The following POLR2G variants were observed in gnomAD, a reference collection of about 807,000 sequenced individuals.
POLR2G encodes the protein RNA polymerase II subunit G, also known as DNA-directed RNA polymerase II subunit RPB7.
POLR2G carries 19 observed loss-of-function variants against 25.7 expected under a neutral mutation model. That is an observed-to-expected ratio of 0.74 (90% CI 0.52 to 1.08). POLR2G has a LOEUF of 1.08. POLR2G is among the 50% of genes least tolerant of loss of function. The pLI is 0.00. For synonymous variants in POLR2G, 79 were observed against 76.0 expected, an observed-to-expected ratio of 1.04 and a Z score of -0.21; for missense variants, 123 against 218.5, an observed-to-expected ratio of 0.56 and a Z score of 2.76.
At position 62,766,624 on chromosome 11, in the gene POLR2G, A is replaced by G. The variant is rs1245306406; in HGVS notation, c.*117A>G. On this transcript the variant is annotated 3_prime_UTR_variant, in exon 8 of 8. Coordinates refer to ENST00000301788, the MANE Select transcript of POLR2G (RefSeq NM_002696.3). ...GGAGGCAAGGAAGGCAACTCATCCC[A>G]GAAGGCATCTGGTGCTTCTTGTAGC... 3 of 885,474 alleles carry G rather than the reference A, an allele frequency of 3.4e-6. No individual in the cohort carries two copies. Among genetic ancestry groups the G allele is most frequent in the Non-Finnish European group, 5.6e-6 (3 of 538,980 alleles). 54.9% of individuals were successfully genotyped at this position (885,474 alleles called of 1,614,324 possible). A position where few individuals can be genotyped will look rare whatever the true frequency, so the allele number is the denominator to read the frequency against.
chr11:62,762,057 CA>C (rs1356220580), intron 2 of POLR2G, 153 bp downstream of exon 2: 4 of 620,788 alleles, frequency 6.4e-6, no homozygotes, highest in Non-Finnish European at 8.7e-6. Flanking sequence ...TTTGGGTTCC[CA>C]GGGCGCCCTC....
Position 62,766,636 on chromosome 11 carries a change from G to GGA in POLR2G, c.*129_*130insGA. On this transcript the variant is annotated 3_prime_UTR_variant, in exon 8 of 8. Transcript: ENST00000301788. The stretch of plus-strand genomic sequence containing the variant: ...GGCAACTCATCCCAGAAGGCATCTG[G>GGA]TGCTTCTTGTAGCTTAACTACTGCC... The GGA allele has an allele frequency of 1.3e-6, 1 of 774,448 alleles. No individual in the cohort carries two copies. The highest frequency in any genetic ancestry group is 2.2e-6 in the Non-Finnish European group (1 of 452,140). 48.0% of individuals were successfully genotyped at this position (774,448 alleles called of 1,614,324 possible).
intron 3 of POLR2G, among the ~76,000 whole-genome samples, chr11:62,763,932 G>A (rs1484705192): frequency 6.6e-6 from 1 of 151,444 alleles, no homozygotes; most frequent in Non-Finnish European, 1.5e-5. Context: ...AGTAGAGATG[G>A]GGTTTCTCCA....
intron 3 of POLR2G, among the ~76,000 whole-genome samples, chr11:62,763,452 G>A (rs1396987523): frequency 2.0e-5 from 3 of 151,788 alleles, no homozygotes; most frequent in Non-Finnish European, 2.9e-5. Flanking sequence ...CCACCACCAC[G>A]CCCGGCTAAT....
intron 1 of POLR2G, 29 bp from the exon 2 acceptor site, chr11:62,761,766 C>G (rs1411026150): frequency 6.2e-7 from 1 of 1,609,340 alleles, no homozygotes; most frequent in Non-Finnish European, 8.5e-7. Flanking sequence ...CAGCGCCTGG[C>G]CTGGTCGCCA....
chr11:62,762,935 G>C lies in POLR2G; in HGVS notation c.191G>C (p.Gly64Ala). ...IGAGVIQPGRGFVLYPVKYKA... is the reference protein window; with the variant it reads ...IGAGVIQPGRAFVLYPVKYKA... ...GCTGGTGTGATCCAGCCAGGCCGAG[G>C]CTTTGTCCTTTATCCAGTTAAGTAC... The change falls in exon 3 of 8, where the codon GGC becomes GCC. Residue 64 changes from glycine to alanine, a missense_variant. By Grantham distance (60) the Gly-to-Ala change is moderately conservative. Transcript: ENST00000301788. 6.2e-7 allele frequency: 1 copy of C among 1,612,420 alleles called. No homozygotes were observed. Among genetic ancestry groups the C allele is most frequent in the Non-Finnish European group, 8.5e-7 (1 of 1,178,684 alleles).
rs773191455 is a variant in POLR2G, at chr11:62,762,876, T to C, written c.132T>C (p.Phe44=). The part of the protein sequence containing the change: ...VEGTCTGKYG[F]VIAVTTIDNI... ...CTCATCCTCCTTGCAGGTATGGCTT[T>C]GTAATTGCTGTCACCACCATTGACA... The change falls in exon 3 of 8, where the codon TTT becomes TTC. Residue 44 remains phenylalanine, a synonymous_variant. Transcript: ENST00000301788. The C allele has an allele frequency of 9.4e-6, 15 of 1,592,610 alleles. No individual in the cohort carries two copies. In the African/African-American group the frequency reaches 1.6e-4, roughly 17 times the overall value.
chr11:62,762,389 C>G, intron 2 of POLR2G: 1 of 252,162 alleles, frequency 4.0e-6, no homozygotes, highest in Non-Finnish European at 8.4e-6. Context: ...AAGGAAGTAG[C>G]CTGGGATTTG....
At chr11:62,765,311 T>A in intron 4 of POLR2G, 29 bp from the exon 5 acceptor site, 3 of 1,610,324 alleles carry the variant, frequency 1.9e-6, no homozygotes, top group Non-Finnish European at 2.5e-6. Flanking sequence ...CCATTTAAAG[T>A]GCTAACCTAG....
chr11:62,765,532 A>G, intron 5 of POLR2G, 121 bp from the exon 6 acceptor site: 1 of 1,095,878 alleles, frequency 9.1e-7, no homozygotes, highest in Non-Finnish European at 1.4e-6. Context: ...TGATTTTATG[A>G]CTTTACGATG....
chr11:62,763,891 G>A (rs1051053277), intron 3 of POLR2G, among the ~76,000 whole-genome samples: 8 of 151,852 alleles, frequency 5.3e-5, no homozygotes, highest in Admixed American at 3.3e-4. Flanking sequence ...ATAGGCATGC[G>A]CCACCATGCC....
rs747907188 is a variant in POLR2G, at chr11:62,762,996, C to T, written c.252C>T (p.Val84=). ...AIVFRPFKGE[V]VDAVVTQVNK... The stretch of plus-strand genomic sequence containing the variant: ...TTTTCCGGCCATTTAAAGGGGAGGT[C>T]GTGGATGCTGTTGTCACTCAGGTCA... The change falls in exon 3 of 8, where the codon GTC becomes GTT. Residue 84 remains valine, a synonymous_variant. Transcript: ENST00000301788. 1.2e-5 allele frequency: 20 copies of T among 1,608,734 alleles called. No homozygotes were observed. The highest frequency in any genetic ancestry group is 5.0e-5 in the Admixed American group (3 of 59,772).
chr11:62,766,209 T>C (rs2084115168), intron 6 of POLR2G, 34 bp from the exon 7 acceptor site: 1 of 1,608,646 alleles, frequency 6.2e-7, no homozygotes, highest in African/African-American at 1.3e-5. Flanking sequence ...GTGCTCATCT[T>C]GGCTTCACTT....
At chr11:62,765,936 C>T (rs191448961) in intron 6 of POLR2G, among the ~76,000 whole-genome samples, 1,915 of 151,924 alleles carry the variant, frequency 0.013, 38 homozygotes, top group African/African-American at 0.044. Flanking sequence ...TACAGGCGCC[C>T]GCCACCACAC....
rs2084095596 is a variant in POLR2G at position 62,762,888 on chromosome 11, C to T, written c.144C>T (p.Val48=). ...CTGKYGFVIA[V]TTIDNIGAGV... ...GCAGGTATGGCTTTGTAATTGCTGT[C>T]ACCACCATTGACAATATTGGTGCTG... The change falls in exon 3 of 8, where the codon GTC becomes GTT. Residue 48 remains valine (V), a synonymous_variant. Transcript: ENST00000301788. 1 of 1,597,694 alleles carries T rather than the reference C, an allele frequency of 6.3e-7. No homozygotes were observed. Among genetic ancestry groups the T allele is most frequent in the Non-Finnish European group, 8.6e-7 (1 of 1,167,780 alleles).
chr11:62,762,190 A>C, intron 2 of POLR2G: 1 of 430,858 alleles, frequency 2.3e-6, no homozygotes, highest in Non-Finnish European at 4.3e-6. Context: ...ACAAGGTAGA[A>C]TGGGAACAAG....
chr11:62,765,457 A>C, intron 5 of POLR2G, 52 bp downstream of exon 5: 1 of 1,463,638 alleles, frequency 6.8e-7, no homozygotes, highest in Non-Finnish European at 9.6e-7. Context: ...AGCCATCCTG[A>C]GGGAGAATAT....
In POLR2G at chr11:62,761,583, T is replaced by C; in HGVS notation, c.-66T>C. The C allele has an allele frequency of 1.3e-6, 2 of 1,513,218 alleles. No homozygotes were observed. Among genetic ancestry groups the C allele is most frequent in the Admixed American group, 4.4e-5 (2 of 45,460 alleles). 93.7% of individuals were successfully genotyped at this position (1,513,218 alleles called of 1,614,324 possible). Reference sequence around the variant, plus strand: ...CGGAACTGGGGTTGCGGCGTCTAAGTGTTTCCGGTGGATTCCCAGGGACTG... The same window carrying C: ...CGGAACTGGGGTTGCGGCGTCTAAGCGTTTCCGGTGGATTCCCAGGGACTG... On this transcript the variant is annotated 5_prime_UTR_variant, in exon 1 of 8. Transcript: ENST00000301788.
chr11:62,764,774 C>A (rs1439971377), intron 3 of POLR2G, among the ~76,000 whole-genome samples: 1 of 151,906 alleles, frequency 6.6e-6, no homozygotes, highest in Non-Finnish European at 1.5e-5. Flanking sequence ...CCAACCTGGG[C>A]AACAGAGTGA....
Sources: gnomAD v4.1 joint callset for allele counts (sites outside exome capture counted in the v4.1 genomes callset) on GRCh38, gnomAD v4.1.1 for gene constraint, MANE v1.5 for transcripts, NCBI Gene and HGNC (gene_info 2026-07-23, HGNC 2026-07-21) for gene names.